The following VAV2 variants were observed in gnomAD, a reference collection of about 807,000 sequenced individuals.
VAV2 encodes the protein vav guanine nucleotide exchange factor 2.
VAV2 carries 67 observed loss-of-function variants against 132.5 expected under a neutral mutation model. The ratio of observed to expected loss-of-function variants is 0.51; its 90% confidence interval spans 0.42 to 0.62. VAV2 has a LOEUF of 0.62. Ranked by LOEUF, VAV2 falls within the 20% of genes least tolerant of loss-of-function variation. The pLI, the probability that VAV2 is intolerant of heterozygous loss-of-function variation, is 0.00. For synonymous variants in VAV2, 492 were observed against 443.5 expected (o/e 1.11, Z -1.37); for missense variants, 938 against 1,153.6 (o/e 0.81, Z 2.71).
chr9:133,783,357 C>CT (rs1834079109), intron 19 of VAV2, 146 bp downstream of exon 19: 1 of 724,488 alleles, frequency 1.4e-6, no homozygotes, highest in African/African-American at 1.7e-5. Flanking sequence ...CGTCTGGTGT[C>CT]TGCTCTGGGG....
At chr9:133,795,526 T>A (rs1377182324) in intron 12 of VAV2, 142 bp downstream of exon 12, 1 of 1,034,314 alleles carries the variant, frequency 9.7e-7, no homozygotes, top group East Asian at 2.4e-5. Context: ...CCCACTGCCC[T>A]GCCCTGCCCT....
rs942162906 is a variant in VAV2 at position 133,919,766 on chromosome 9, T to C, written c.321+19337A>G. Among the ~76,000 whole-genome samples the C allele has an allele frequency of 2.6e-5, 4 of 152,120 alleles. No homozygotes were observed. Among genetic ancestry groups the C allele is most frequent in the Admixed American group, 2.0e-4 (3 of 15,284 alleles). On this transcript the variant is annotated intron_variant, in intron 2 of 29. Coordinates refer to ENST00000371850, the MANE Select transcript of VAV2 (RefSeq NM_001134398.2). This position sits in a 1 kb window ranked among gnomAD's most constrained non-coding sequence, Gnocchi z 5.8. Reference sequence around the variant, plus strand: ...GGGAGCAACACAAACAGCGCATTCTTGGCATCCGTGAGGCAGAGACATGGA... The same window carrying C: ...GGGAGCAACACAAACAGCGCATTCTCGGCATCCGTGAGGCAGAGACATGGA...
intron 3 of VAV2, among the ~76,000 whole-genome samples, chr9:133,856,255 G>A (rs190109945): frequency 1.1e-4 from 17 of 152,316 alleles, no homozygotes; most frequent in East Asian, 5.8e-4. Context: ...ACTGAATTGC[G>A]TACTTTACAA....
At chr9:133,837,356 C>T (rs1222109243) in intron 3 of VAV2, among the ~76,000 whole-genome samples, 1 of 152,222 alleles carries the variant, frequency 6.6e-6, no homozygotes, top group Non-Finnish European at 1.5e-5. Context: ...TGTTTCCTAA[C>T]ACAGAAAGTG....
intron 25 of VAV2, among the ~76,000 whole-genome samples, chr9:133,772,777 T>TG (rs1005096736): frequency 1.3e-5 from 2 of 152,094 alleles, no homozygotes; most frequent in African/African-American, 4.8e-5. Context: ...TCCTGAGAGA[T>TG]GCAGGCAGGT....
At chr9:133,789,122 A>G (rs955431530) in intron 14 of VAV2, 136 bp downstream of exon 14, 12 of 940,602 alleles carry the variant, frequency 1.3e-5, no homozygotes, top group Non-Finnish European at 1.9e-5. Flanking sequence ...TTAAAACTGA[A>G]CAACACAAAG....
At chr9:133,779,345 C>G (rs907557221) in intron 21 of VAV2, among the ~76,000 whole-genome samples, 1 of 152,206 alleles carries the variant, frequency 6.6e-6, no homozygotes, top group Admixed American at 6.5e-5. Flanking sequence ...CTTAGACAAG[C>G]CTTGCTCTGA....
chr9:133,945,109 C>T (rs1841313160), intron 1 of VAV2, among the ~76,000 whole-genome samples: 1 of 152,168 alleles, frequency 6.6e-6, no homozygotes, highest in Admixed American at 6.5e-5. Flanking sequence ...GCTGGCCTGC[C>T]CAAGGTCACT....
rs536451756 is a variant in VAV2, at chr9:133,769,180, G to A, written c.2434+237C>T. ...TGGGAAAGTGGCCATCAGGGTGGGC[G>A]TGTCCACAGGGGGTGGGTGGTGACA... On this transcript the variant is annotated intron_variant, in intron 28 of 29. Coordinates refer to ENST00000371850, the MANE Select transcript of VAV2 (RefSeq NM_001134398.2). This position sits in a 1 kb window ranked among gnomAD's most constrained non-coding sequence, Gnocchi z 8.1. Among the ~76,000 whole-genome samples the A allele has an allele frequency of 2.6e-5, 4 of 152,352 alleles. No homozygotes were observed. Among genetic ancestry groups the A allele is most frequent in the South Asian group, 2.1e-4 (1 of 4,824 alleles).
chr9:133,977,129 T>C (rs1842538378), intron 1 of VAV2, among the ~76,000 whole-genome samples: 1 of 152,216 alleles, frequency 6.6e-6, no homozygotes, highest in South Asian at 2.1e-4. Context: ...GCCTGCCTCC[T>C]TCCAGCTCTG....
At chr9:133,780,542 A>C in intron 20 of VAV2, 152 bp downstream of exon 20, 1 of 946,650 alleles carries the variant, frequency 1.1e-6, no homozygotes. Flanking sequence ...CCACCAAGGA[A>C]AGCAGAGGCA....
intron 4 of VAV2, among the ~76,000 whole-genome samples, chr9:133,817,418 C>G (rs756924087): frequency 6.6e-6 from 1 of 152,098 alleles, no homozygotes; most frequent in Non-Finnish European, 1.5e-5. Context: ...TTTGGGAGGC[C>G]GAGGTGGGTG....
chr9:133,792,315 T>C (rs987907983), intron 12 of VAV2, among the ~76,000 whole-genome samples: 10 of 98,526 alleles, frequency 1.0e-4, no homozygotes, highest in Admixed American at 4.2e-4. Flanking sequence ...GGTATGTGTG[T>C]GTGATTGTGT....
At chr9:133,861,749 G>A (rs562179051) in intron 2 of VAV2, among the ~76,000 whole-genome samples, 58 of 152,250 alleles carry the variant, frequency 3.8e-4, no homozygotes, top group Admixed American at 3.3e-3. Flanking sequence ...GGGCTTCACC[G>A]AGGCCACCTT....
intron 2 of VAV2, among the ~76,000 whole-genome samples, chr9:133,894,435 A>G (rs1040221169): frequency 4.6e-5 from 7 of 152,196 alleles, no homozygotes; most frequent in African/African-American, 7.2e-5. Flanking sequence ...AGCCACAAGG[A>G]TCACAGGGCC....
At chr9:133,793,688 T>C (rs1834592101) in intron 12 of VAV2, among the ~76,000 whole-genome samples, 1 of 152,052 alleles carries the variant, frequency 6.6e-6, no homozygotes, top group South Asian at 2.1e-4. Flanking sequence ...GTGAGGGAAA[T>C]GTCTGTACTT....
intron 2 of VAV2, among the ~76,000 whole-genome samples, chr9:133,910,666 T>G (rs1253673187): frequency 7.9e-6 from 1 of 125,972 alleles, no homozygotes; most frequent in Non-Finnish European, 1.7e-5. Context: ...AAAAAAAAAT[T>G]ACAAAAACTT....
intron 2 of VAV2, among the ~76,000 whole-genome samples, chr9:133,933,282 T>C (rs932726123): frequency 6.6e-6 from 1 of 152,280 alleles, no homozygotes; most frequent in African/African-American, 2.4e-5. Flanking sequence ...CATTAATTGC[T>C]CAGCAGCTAA....
At chr9:133,867,166 C>T (rs992845019) in intron 2 of VAV2, among the ~76,000 whole-genome samples, 2 of 151,940 alleles carry the variant, frequency 1.3e-5, no homozygotes, top group Non-Finnish European at 2.9e-5. Flanking sequence ...CCTGCAGAGC[C>T]GGGGCAGGCG....
Sources: allele counts gnomAD v4.1 joint callset (sites outside exome capture counted in the v4.1 genomes callset), GRCh38; gene constraint gnomAD v4.1.1; non-coding constraint Gnocchi (gnomAD v3.1); transcripts MANE v1.5; gene names NCBI Gene and HGNC (gene_info 2026-07-23, HGNC 2026-07-21).